ABCA12: variants seen among roughly 807,000 people sequenced by gnomAD.
ABCA12 encodes the protein glucosylceramide transporter ABCA12.
In ABCA12, 156 loss-of-function variants were observed where a neutral mutation model predicts 293.5. The observed-to-expected ratio is 0.53, with a 90% CI of 0.47 to 0.61. The LOEUF is 0.61. Among genes scored for constraint, ABCA12 ranks in the 20% least tolerant of loss-of-function variants. The pLI, the probability that ABCA12 is intolerant of heterozygous loss-of-function variation, is 0.00. For synonymous variants in ABCA12, 1,063 were observed against 1,108.0 expected (o/e 0.96, Z 0.81); for missense variants, 2,797 against 3,090.2 (o/e 0.91, Z 2.25).
intron 36 of ABCA12, among the ~76,000 whole-genome samples, chr2:214,971,680 C>T (rs938246848): frequency 2.6e-5 from 4 of 152,138 alleles, no homozygotes; most frequent in African/African-American, 9.7e-5. Flanking sequence ...CAATCATTCT[C>T]ATTTTGTTTA....
chr2:214,964,948 G>A (rs978511244), intron 39 of ABCA12, among the ~76,000 whole-genome samples: 3 of 151,956 alleles, frequency 2.0e-5, no homozygotes, highest in African/African-American at 7.3e-5. Flanking sequence ...AACAAAGCTG[G>A]AAGCATCACA....
rs1418285442 is a variant in ABCA12 at position 215,057,671 on chromosome 2, AG to A, written c.318-3008del. On this transcript the variant is annotated intron_variant, in intron 3 of 52. Coordinates refer to ENST00000272895, the MANE Select transcript of ABCA12 (RefSeq NM_173076.3). Reference sequence around the variant, plus strand: ...CCCTTTTTAGAGTGTAAGGTTCTTAAGAAAAGCCTACAGTGTATTATGTTGG... The same window carrying A: ...CCCTTTTTAGAGTGTAAGGTTCTTAAAAAAGCCTACAGTGTATTATGTTGG... Among the ~76,000 whole-genome samples, 5 of 152,066 alleles carry A rather than the reference AG, an allele frequency of 3.3e-5. No homozygotes were observed. The South Asian group carries it at 1.0e-3, about 32-fold the overall frequency.
At chr2:215,048,036 C>A (rs534555815) in intron 6 of ABCA12, among the ~76,000 whole-genome samples, 1 of 149,190 alleles carries the variant, frequency 6.7e-6, no homozygotes, top group South Asian at 2.1e-4. Context: ...TTCAAAAGAA[C>A]ATATACCTAC....
intron 1 of ABCA12, among the ~76,000 whole-genome samples, chr2:215,136,448 A>G (rs1441982925): frequency 1.3e-5 from 2 of 152,136 alleles, no homozygotes; most frequent in African/African-American, 4.8e-5. Flanking sequence ...TCTTCACCTG[A>G]GATTTGGGTG....
chr2:214,947,520 G>T lies in ABCA12; in HGVS notation c.7141C>A (p.Pro2381Thr), dbSNP rs2105923305. ...ATAGAGGTAGCTCTGTCCTTGAAGGGCATCAGGTGAAGTCTCCTAAGGAGT... is the reference window on the plus strand; with the variant it reads ...ATAGAGGTAGCTCTGTCCTTGAAGGTCATCAGGTGAAGTCTCCTAAGGAGT... Reference protein sequence around the residue: ...HKLLRRLHLMPFKDRATSMCS... With the variant: ...HKLLRRLHLMTFKDRATSMCS... Residue 2381 changes from proline (P) to threonine (T), a missense_variant, in exon 48 of 53, where the codon CCC becomes ACC. This residue lies in a region of ABCA12 where 2,130 missense variants were observed against 2,427.0 expected (regional missense o/e 0.88). Coordinates refer to ENST00000272895, the MANE Select transcript of ABCA12 (RefSeq NM_173076.3). 6.2e-7 allele frequency: 1 copy of T among 1,613,858 alleles called. No individual in the cohort carries two copies. Among genetic ancestry groups the T allele is most frequent in the East Asian group, 2.2e-5 (1 of 44,834 alleles).
At chr2:215,120,192 G>A (rs1024662685) in intron 1 of ABCA12, among the ~76,000 whole-genome samples, 1 of 152,076 alleles carries the variant, frequency 6.6e-6, no homozygotes, top group African/African-American at 2.4e-5. Context: ...AATACTCTCT[G>A]TTCTCACTTA....
chr2:215,114,654 G>A (rs1366693063), intron 1 of ABCA12, among the ~76,000 whole-genome samples: 1 of 152,138 alleles, frequency 6.6e-6, no homozygotes, highest in Non-Finnish European at 1.5e-5. Flanking sequence ...AGAAATGTAA[G>A]ACGTGTTATT....
At position 215,025,791 on chromosome 2, in the gene ABCA12, G is replaced by A; in HGVS notation, c.1181-12C>T. On this transcript the variant is annotated splice_polypyrimidine_tract_variant and intron_variant, in intron 10 of 52. Transcript: ENST00000272895. ...GAGTCTTAGATTTTCTGTAAAGGAAGGGAGAAGAGTTACTTTATGTGAATT... is the reference window on the plus strand; with the variant it reads ...GAGTCTTAGATTTTCTGTAAAGGAAAGGAGAAGAGTTACTTTATGTGAATT... 6.4e-7 allele frequency: 1 copy of A among 1,570,232 alleles called. No individual in the cohort carries two copies. Among genetic ancestry groups the A allele is most frequent in the Non-Finnish European group, 8.8e-7 (1 of 1,140,540 alleles).
intron 23 of ABCA12, 122 bp downstream of exon 23, chr2:214,997,573 C>T: frequency 2.8e-6 from 2 of 702,790 alleles, no homozygotes; most frequent in Non-Finnish European, 2.4e-6. Context: ...AAAGGTTTTT[C>T]TTTCTGTTTA....
intron 10 of ABCA12, among the ~76,000 whole-genome samples, chr2:215,026,009 G>T (rs1382339214): frequency 1.3e-5 from 2 of 152,114 alleles, no homozygotes; most frequent in Admixed American, 6.5e-5. Context: ...TCTAGCAAAG[G>T]TGCTCCATAG....
chr2:215,008,425 A>T (rs1052491146), intron 18 of ABCA12, among the ~76,000 whole-genome samples: 3 of 152,136 alleles, frequency 2.0e-5, no homozygotes, highest in African/African-American at 7.2e-5. Context: ...AAAACATTGG[A>T]AACAAAATTA....
chr2:215,031,849 T>G lies in ABCA12; in HGVS notation c.1033A>C (p.Thr345Pro), dbSNP rs1295935868. ...THVWNEDDGQ[T>P]LSPSSLAAQL... Reference sequence around the variant, plus strand: ...GCAGCCAGACTGCTTGGAGATAAGGTCTGTCCATCATCCTCATTCCACACA... The same window carrying G: ...GCAGCCAGACTGCTTGGAGATAAGGGCTGTCCATCATCCTCATTCCACACA... Residue 345 changes from threonine to proline, a missense_variant, in exon 9 of 53, where the codon ACC becomes CCC. By Grantham distance (38) the Thr-to-Pro change is conservative. This residue lies in a region of ABCA12 where 656 missense variants were observed against 638.2 expected (regional missense o/e 1.03). Transcript: ENST00000272895. 3.9e-5 allele frequency: 63 copies of G among 1,613,968 alleles called. 1 individual carries two copies. In the East Asian group the frequency reaches 1.4e-3, roughly 35 times the overall value.
rs1700345982 is a variant in ABCA12 at position 215,010,411 on chromosome 2, A to G, written c.2392T>C (p.Trp798Arg). Residue 798 changes from tryptophan to arginine, a missense_variant, in exon 18 of 53, where the codon TGG becomes CGG. Coordinates refer to ENST00000272895, the MANE Select transcript of ABCA12 (RefSeq NM_173076.3). ...AACAACATAGGTTTCAAGAAAGCCC[A>G]AATCACAGGTCCAGCGGGCATGTTA... ...IINMPAGPVI[W>R]AFLKPMLLGR... 6.2e-7 allele frequency: 1 copy of G among 1,613,800 alleles called. No homozygotes were observed.
chr2:214,970,350 G>A lies in ABCA12; in HGVS notation c.5613C>T (p.Ser1871=), dbSNP rs756605560. 1.2e-6 allele frequency: 2 copies of A among 1,613,118 alleles called. No homozygotes were observed. The highest frequency in any genetic ancestry group is 1.7e-6 in the Non-Finnish European group (2 of 1,179,348). Residue 1871 remains serine, a synonymous_variant, in exon 37 of 53, where the codon TCC becomes TCT. Coordinates refer to ENST00000272895, the MANE Select transcript of ABCA12 (RefSeq NM_173076.3). ...YSPPHRRTYS[S]QVIYNLTGQR... ...GCCCAGTGAGGTTATAAATTACCTGGGATGAGTAAGTTCTTCTGTGCGGTG... is the reference window on the plus strand; with the variant it reads ...GCCCAGTGAGGTTATAAATTACCTGAGATGAGTAAGTTCTTCTGTGCGGTG...
chr2:215,025,612 T>TG, intron 11 of ABCA12, 61 bp downstream of exon 11: 2 of 1,145,312 alleles, frequency 1.7e-6, no homozygotes, highest in Non-Finnish European at 2.5e-6. Context: ...TTTTTTTTTG[T>TG]TTGTTTTGTC....
At chr2:215,039,060 T>G (rs1701045233) in intron 7 of ABCA12, 1 of 152,160 alleles carries the variant, frequency 6.6e-6, no homozygotes, top group Non-Finnish European at 1.5e-5. Context: ...TAAAAAGAGT[T>G]TTTGTGATTT....
chr2:214,953,809 G>T, intron 44 of ABCA12, 45 bp downstream of exon 44: 2 of 1,600,996 alleles, frequency 1.2e-6, no homozygotes, highest in South Asian at 1.1e-5. Flanking sequence ...AGGTTGAATT[G>T]AGTTCTGTTT....
chr2:214,951,570 A>G (rs1009609521), intron 44 of ABCA12, among the ~76,000 whole-genome samples: 1 of 152,206 alleles, frequency 6.6e-6, no homozygotes, highest in Non-Finnish European at 1.5e-5. Flanking sequence ...CAGCCTGGCC[A>G]ACCTGGCAAA....
intron 1 of ABCA12, among the ~76,000 whole-genome samples, chr2:215,126,268 T>C (rs556491192): frequency 9.2e-5 from 14 of 152,254 alleles, no homozygotes; most frequent in African/African-American, 3.1e-4. Flanking sequence ...TTTTTGCTCT[T>C]GTCCTTTCCT....
Sources: allele counts gnomAD v4.1 joint callset (sites outside exome capture counted in the v4.1 genomes callset), GRCh38; gene constraint gnomAD v4.1.1; regional missense constraint gnomAD v4.1.1; transcripts MANE v1.5; gene names NCBI Gene and HGNC (gene_info 2026-07-23, HGNC 2026-07-21).